ARHGEF10L: variants seen among roughly 807,000 people sequenced by gnomAD.
The protein encoded by ARHGEF10L is rho guanine nucleotide exchange factor 10-like protein.
ARHGEF10L carries 69 observed loss-of-function variants against 141.2 expected under a neutral mutation model. The ratio of observed to expected loss-of-function variants is 0.49; its 90% CI spans 0.40 to 0.60. The LOEUF (loss-of-function observed/expected upper bound fraction) is 0.60, where lower values mean the gene tolerates loss of function less well. Ranked by LOEUF, ARHGEF10L falls within the 20% of genes least tolerant of loss-of-function variation. The pLI is 0.00. For missense variants in ARHGEF10L, 1,482 were observed against 1,734.3 expected (o/e 0.85, Z 2.58); for synonymous variants, 711 against 718.5 (o/e 0.99, Z 0.17).
upstream of ARHGEF10L, among the ~76,000 whole-genome samples, chr1:17,536,668 A>G (rs1243380388): frequency 1.3e-5 from 2 of 152,056 alleles, no homozygotes; most frequent in African/African-American, 4.8e-5. Flanking sequence ...GAGTAGAGGG[A>G]AAATGAAATC....
chr1:17,676,479 G>A (rs2102357405), intron 26 of ARHGEF10L, among the ~76,000 whole-genome samples: 1 of 152,106 alleles, frequency 6.6e-6, no homozygotes, highest in East Asian at 1.9e-4. Context: ...CAGGTGAGTT[G>A]TCTGGATTCC....
chr1:17,587,282 C>A (rs2079101412), intron 2 of ARHGEF10L, among the ~76,000 whole-genome samples, 178 bp from the exon 3 acceptor site: 1 of 152,198 alleles, frequency 6.6e-6, no homozygotes, highest in Admixed American at 6.5e-5. Context: ...AACCCAACCC[C>A]CTCCCCCCGG....
intron 4 of ARHGEF10L, among the ~76,000 whole-genome samples, chr1:17,590,443 G>A (rs1336656718): frequency 1.3e-5 from 2 of 152,112 alleles, no homozygotes; most frequent in Non-Finnish European, 2.9e-5. Flanking sequence ...AGCAAAAAGA[G>A]CCGGCTCTTC....
chr1:17,569,173 C>T (rs1429614281), intron 1 of ARHGEF10L, among the ~76,000 whole-genome samples: 1 of 152,194 alleles, frequency 6.6e-6, no homozygotes. Context: ...GGCTCTGCCC[C>T]TGGAGGAACT....
intron 6 of ARHGEF10L, among the ~76,000 whole-genome samples, chr1:17,606,490 C>T (rs1377427310): frequency 1.3e-5 from 2 of 151,780 alleles, no homozygotes; most frequent in South Asian, 2.1e-4. Flanking sequence ...GATGGGGTTT[C>T]ATCATGTTGG....
At position 17,656,737 on chromosome 1, in the gene ARHGEF10L, G is replaced by A. The variant is rs1441482562; in HGVS notation, c.2860+29G>A. 1 of 1,599,054 alleles carries A rather than the reference G, an allele frequency of 6.3e-7. No homozygotes were observed. Among genetic ancestry groups the A allele is most frequent in the East Asian group, 2.2e-5 (1 of 44,564 alleles). The stretch of plus-strand genomic sequence containing the variant: ...AGGACTGGGGGGAATGGGGGAAGGG[G>A]GGCAGTCCTGGATGCCAGCTGGGTG... On this transcript the variant is annotated intron_variant, in intron 25 of 28. Coordinates refer to ENST00000361221, the MANE Select transcript of ARHGEF10L (RefSeq NM_018125.4). This position sits in a 1 kb window ranked among gnomAD's most constrained non-coding sequence, Gnocchi z 4.9.
At chr1:17,606,325 T>C (rs1013797787) in intron 6 of ARHGEF10L, among the ~76,000 whole-genome samples, 5 of 151,824 alleles carry the variant, frequency 3.3e-5, no homozygotes, top group Non-Finnish European at 7.4e-5. Context: ...ATGTTGTCTC[T>C]CTCTGTCACC....
the ARHGEF10L span, among the ~76,000 whole-genome samples, chr1:17,526,708 A>T: frequency 2.0e-5 from 3 of 152,190 alleles, no homozygotes; most frequent in African/African-American, 7.2e-5. Flanking sequence ...GTTTGAGACC[A>T]GCCTGGGCAA....
chr1:17,621,902 C>A lies in ARHGEF10L; in HGVS notation c.981C>A (p.Ser327Arg), dbSNP rs139501792. Residue 327 changes from serine to arginine, a missense_variant, in exon 11 of 29, where the codon AGC becomes AGA. Coordinates refer to ENST00000361221, the MANE Select transcript of ARHGEF10L (RefSeq NM_018125.4). The surrounding 1 kb of genome is among the most constrained non-coding windows in gnomAD (Gnocchi z 4.1). ...RRHILGSIVQ[S>R]EGSYVESLKR... ...ATATCCTGGGCTCCATCGTGCAGAGCGAAGGCAGCTACGTGGAGTCTCTGA... is the reference window on the plus strand; with the variant it reads ...ATATCCTGGGCTCCATCGTGCAGAGAGAAGGCAGCTACGTGGAGTCTCTGA... The A allele has an allele frequency of 1.2e-6, 2 of 1,614,108 alleles. No homozygotes were observed. The highest frequency in any genetic ancestry group is 1.7e-6 in the Non-Finnish European group (2 of 1,180,032).
chr1:17,562,729 C>A (rs1301133989), intron 1 of ARHGEF10L, among the ~76,000 whole-genome samples: 1 of 152,328 alleles, frequency 6.6e-6, no homozygotes, highest in Non-Finnish European at 1.5e-5. Flanking sequence ...GCTGAGGCTG[C>A]CATGTTCCCA....
At chr1:17,616,253 T>C in intron 9 of ARHGEF10L, 51 bp downstream of exon 9, 1 of 865,206 alleles carries the variant, frequency 1.2e-6, no homozygotes, top group Non-Finnish European at 1.8e-6. Flanking sequence ...TGACTGGGGG[T>C]CGGGGAGGGT....
the ARHGEF10L span, among the ~76,000 whole-genome samples, chr1:17,515,438 C>T: frequency 1.3e-5 from 2 of 151,590 alleles, no homozygotes; most frequent in African/African-American, 2.4e-5. Flanking sequence ...GGATTATAGG[C>T]GTGGGCCACC....
intron 1 of ARHGEF10L, among the ~76,000 whole-genome samples, chr1:17,557,545 AAATAGG>A (rs1428775498): frequency 9.2e-5 from 14 of 152,144 alleles, no homozygotes; most frequent in Non-Finnish European, 1.5e-4. Context: ...CTTTTGAACA[AAATAGG>A]AATTCCTGAG....
intron 21 of ARHGEF10L, among the ~76,000 whole-genome samples, chr1:17,647,153 G>A (rs1243155226): frequency 1.3e-5 from 2 of 152,272 alleles, no homozygotes; most frequent in East Asian, 1.9e-4. Context: ...GAGCATCAGC[G>A]GGCGCGGTTG....
Position 17,619,594 on chromosome 1 carries a change from C to T in ARHGEF10L, c.942+149C>T, listed in dbSNP as rs2059996251. On this transcript the variant is annotated intron_variant, in intron 10 of 28. Transcript: ENST00000361221. The surrounding 1 kb of genome is among the most constrained non-coding windows in gnomAD (Gnocchi z 5.0). ...GCAGAGCCCAGCTGGATAGGGGCCTCCTAGGTTCTCTCCTCAGCTATTGAA... is the reference window on the plus strand; with the variant it reads ...GCAGAGCCCAGCTGGATAGGGGCCTTCTAGGTTCTCTCCTCAGCTATTGAA... 1.6e-6 allele frequency: 1 copy of T among 628,318 alleles called. No individual in the cohort carries two copies. Among genetic ancestry groups the T allele is most frequent in the South Asian group, 2.1e-5 (1 of 46,546 alleles). The allele number at this position is 628,318 out of a possible 1,614,324, so 38.9% of individuals were successfully genotyped here. A position where few individuals can be genotyped will look rare whatever the true frequency, so the allele number is the denominator to read the frequency against.
Position 17,687,560 on chromosome 1 carries a change from C to T in ARHGEF10L, c.3010-13C>T. 6.2e-7 allele frequency: 1 copy of T among 1,612,562 alleles called. No individual in the cohort carries two copies. ...GCCCAGCCAGTATCGACACTCCTCC[C>T]TTTGTGCCACAGCAAAGCTTCGAGG... is the stretch of plus-strand genomic sequence containing the variant. On this transcript the variant is annotated splice_polypyrimidine_tract_variant and intron_variant, in intron 26 of 28. Coordinates refer to ENST00000361221, the MANE Select transcript of ARHGEF10L (RefSeq NM_018125.4).
At chr1:17,583,081 G>T (rs991019991) in intron 2 of ARHGEF10L, among the ~76,000 whole-genome samples, 1 of 151,508 alleles carries the variant, frequency 6.6e-6, no homozygotes, top group African/African-American at 2.4e-5. Context: ...AAATAGCTGG[G>T]CATGGTGATG....
chr1:17,586,374 C>T (rs946289837), intron 2 of ARHGEF10L, among the ~76,000 whole-genome samples: 2 of 152,158 alleles, frequency 1.3e-5, no homozygotes, highest in African/African-American at 2.4e-5. Flanking sequence ...CATGTGCCCA[C>T]GAGAGGGCTG....
At chr1:17,672,255 T>C (rs2063371170) in intron 26 of ARHGEF10L, among the ~76,000 whole-genome samples, 1 of 141,852 alleles carries the variant, frequency 7.0e-6, no homozygotes. Context: ...TTAGTTTGCA[T>C]GTATTAGCTG....
Sources: gnomAD v4.1 joint callset for allele counts (sites outside exome capture counted in the v4.1 genomes callset) on GRCh38, gnomAD v4.1.1 for gene constraint, Gnocchi (gnomAD v3.1) non-coding constraint, MANE v1.5 for transcripts, NCBI Gene and HGNC (gene_info 2026-07-23, HGNC 2026-07-21) for gene names.